Variants in CSMD2 observed in about 807,000 individuals in gnomAD.
CSMD2 encodes CUB and Sushi multiple domains 2.
In CSMD2, 130 loss-of-function variants were observed where a neutral mutation model predicts 398.5. The observed-to-expected ratio is 0.33, with a 90% CI of 0.28 to 0.38. The LOEUF is 0.38. Among genes scored for constraint, CSMD2 ranks in the 10% least tolerant of loss-of-function variants. The pLI, the probability that CSMD2 is intolerant of heterozygous loss-of-function variation, is 1.00. For synonymous variants in CSMD2, 1,828 were observed against 1,908.5 expected (o/e 0.96, Z 1.10); for missense variants, 3,829 against 4,764.9 (o/e 0.80, Z 5.78).
Position 34,163,747 on chromosome 1 carries a change from C to T in CSMD2, c.187+1164G>A, listed in dbSNP as rs1342685180. ...GGCCAGCAGGTGTTTCGGTTTCTCC[C>T]CCAGTGGGTGTCAGCCTCGCGGGCT... On this transcript the variant is annotated intron_variant, in intron 1 of 70. Transcript: ENST00000373381. The surrounding 1 kb of genome is among the most constrained non-coding windows in gnomAD (Gnocchi z 5.4). 6.6e-6 allele frequency among the ~76,000 whole-genome samples: 1 copy of T among 152,192 alleles called. No individual in the cohort carries two copies. Among genetic ancestry groups the T allele is most frequent in the African/African-American group, 2.4e-5 (1 of 41,462 alleles).
chr1:34,080,957 A>AGAAAGAAAGAAAGAAAGAAG (rs1558349608), intron 2 of CSMD2, among the ~76,000 whole-genome samples: 2 of 136,414 alleles, frequency 1.5e-5, no homozygotes, highest in East Asian at 3.9e-4. Context: ...AAAGAAAGAA[A>AGAAAGAAAGAAAGAAAGAAG]GAAAGAAAGA....
intron 6 of CSMD2, among the ~76,000 whole-genome samples, chr1:33,826,367 G>A (rs1658822154): frequency 6.6e-6 from 1 of 152,158 alleles, no homozygotes; most frequent in Admixed American, 6.5e-5. Context: ...AAATTTGGAG[G>A]CCTTGATGTG....
chr1:33,716,577 C>T (rs927467713), intron 19 of CSMD2, 76 bp from the exon 20 acceptor site: 6 of 1,023,806 alleles, frequency 5.9e-6, no homozygotes, highest in Admixed American at 2.1e-5. Context: ...AGGATCTACA[C>T]AAACATTTCC....
At chr1:33,649,233 C>T (rs1643626093) in intron 28 of CSMD2, among the ~76,000 whole-genome samples, 1 of 152,150 alleles carries the variant, frequency 6.6e-6, no homozygotes, top group South Asian at 2.1e-4. Context: ...AAATTTGCTC[C>T]TGCCCAGCCA....
chr1:34,133,055 G>A (rs755712208), intron 1 of CSMD2, among the ~76,000 whole-genome samples: 2 of 151,946 alleles, frequency 1.3e-5, no homozygotes, highest in Admixed American at 6.6e-5. Context: ...CATTGGTTGG[G>A]CACCTCAGTG....
At chr1:34,092,434 T>C (rs1189061964) in intron 1 of CSMD2, among the ~76,000 whole-genome samples, 2 of 152,152 alleles carry the variant, frequency 1.3e-5, no homozygotes, top group East Asian at 1.9e-4. Flanking sequence ...ACAGCTCCCG[T>C]CCACAGCTCC....
intron 4 of CSMD2, among the ~76,000 whole-genome samples, chr1:33,928,806 C>T (rs1366382867): frequency 5.3e-5 from 8 of 152,350 alleles, no homozygotes; most frequent in South Asian, 2.1e-4. Flanking sequence ...GTGCACACTG[C>T]ACCCGGCATA....
At chr1:34,014,365 G>T (rs762827515) in intron 3 of CSMD2, among the ~76,000 whole-genome samples, 35 of 152,248 alleles carry the variant, frequency 2.3e-4, no homozygotes, top group Admixed American at 3.3e-4. Flanking sequence ...ATAATGTAAA[G>T]GCTGTGTGTG....
At position 33,905,652 on chromosome 1, in the gene CSMD2, T is replaced by C. The variant is rs1010688444; in HGVS notation, c.920+12442A>G. On this transcript the variant is annotated intron_variant, in intron 5 of 70. Transcript: ENST00000373381. ...GTGCTGTTTTTATTTTGATTTTAGG[T>C]GGCAGATATTGGAACATGCCTTTAT... Among the ~76,000 whole-genome samples, 4 of 152,016 alleles carry C rather than the reference T, an allele frequency of 2.6e-5. No homozygotes were observed. In the East Asian group the frequency reaches 7.7e-4, roughly 29 times the overall value.
chr1:33,545,840 AGT>A (rs1308531586), intron 57 of CSMD2, among the ~76,000 whole-genome samples, 195 bp downstream of exon 57: 1 of 152,178 alleles, frequency 6.6e-6, no homozygotes, highest in African/African-American at 2.4e-5. Flanking sequence ...TTGAGGTGAG[AGT>A]GGGAATATGT....
intron 25 of CSMD2, among the ~76,000 whole-genome samples, chr1:33,689,516 C>T (rs932438510): frequency 3.9e-5 from 6 of 152,126 alleles, no homozygotes; most frequent in East Asian, 1.9e-4. Context: ...GCTAGAAAGG[C>T]GCCTCCTGTC....
chr1:33,609,798 T>C (rs1479843648), intron 41 of CSMD2, among the ~76,000 whole-genome samples: 1 of 152,122 alleles, frequency 6.6e-6, no homozygotes, highest in Non-Finnish European at 1.5e-5. Flanking sequence ...TGTGTATCTC[T>C]GCATAGGGTA....
rs774760369 is a variant in CSMD2, at chr1:33,810,836, G to T, written c.1353C>A (p.Gly451=). The part of the protein sequence containing the change: ...RARMCDAHLR[G]PSGIITSPNF... The stretch of plus-strand genomic sequence containing the variant: ...TGGGGGAGGTGATGATGCCCGAGGG[G>T]CCTCGAAGGTGGGCATCACACATGC... The change falls in exon 10 of 71, where the codon GGC becomes GGA. Residue 451 remains glycine (G), a synonymous_variant. Coordinates refer to ENST00000373381, the MANE Select transcript of CSMD2 (RefSeq NM_001281956.2). 8.1e-6 allele frequency: 13 copies of T among 1,612,474 alleles called. No individual in the cohort carries two copies. The African/African-American group carries it at 1.5e-4, about 18-fold the overall frequency.
intron 1 of CSMD2, among the ~76,000 whole-genome samples, chr1:34,158,472 C>T (rs75163396): frequency 1.2e-3 from 184 of 152,284 alleles, no homozygotes; most frequent in African/African-American, 4.2e-3. Context: ...CCTCCCTACC[C>T]TCCTGGATGA....
Position 33,559,155 on chromosome 1 carries a change from C to A in CSMD2, c.8554+145G>T. The A allele has an allele frequency of 1.4e-6, 1 of 694,414 alleles. No individual in the cohort carries two copies. Among genetic ancestry groups the A allele is most frequent in the Non-Finnish European group, 2.2e-6 (1 of 445,012 alleles). The allele number at this position is 694,414 out of a possible 1,614,324, so 43.0% of individuals were successfully genotyped here. ...TCTTTATCTAAGGGTTGAGAAAGTCCTCATTTATGACCCTTCTCTGCTCCA... is the reference window on the plus strand; with the variant it reads ...TCTTTATCTAAGGGTTGAGAAAGTCATCATTTATGACCCTTCTCTGCTCCA... On this transcript the variant is annotated intron_variant, in intron 54 of 70. Coordinates refer to ENST00000373381, the MANE Select transcript of CSMD2 (RefSeq NM_001281956.2). This position sits in a 1 kb window ranked among gnomAD's most constrained non-coding sequence, Gnocchi z 4.0.
At chr1:33,778,826 G>A (rs919227165) in intron 12 of CSMD2, among the ~76,000 whole-genome samples, 1 of 152,122 alleles carries the variant, frequency 6.6e-6, no homozygotes, top group Non-Finnish European at 1.5e-5. Flanking sequence ...GCCTCTGGCT[G>A]GGAGCGCTGG....
intron 6 of CSMD2, among the ~76,000 whole-genome samples, chr1:33,826,863 GGC>G (rs1368150722): frequency 6.6e-6 from 1 of 152,278 alleles, no homozygotes; most frequent in East Asian, 1.9e-4. Context: ...TCTTCCAGCT[GGC>G]CCCGCCTGCT....
chr1:33,833,322 C>A (rs1282695500), intron 6 of CSMD2, among the ~76,000 whole-genome samples: 1 of 129,582 alleles, frequency 7.7e-6, no homozygotes, highest in Non-Finnish European at 1.6e-5. Context: ...TGAGCTTCAT[C>A]CCTGGGATGC....
chr1:33,663,103 A>G lies in CSMD2; in HGVS notation c.4053-11T>C. ...ACCAGGAAGTGTAGCCTGCACGGAG[A>G]GAAGAGGCAGTGGTCATCTGGACTC... On this transcript the variant is annotated splice_polypyrimidine_tract_variant and intron_variant, in intron 25 of 70. Transcript: ENST00000373381. 1 of 1,612,102 alleles carries G rather than the reference A, an allele frequency of 6.2e-7. No homozygotes were observed. The highest frequency in any genetic ancestry group is 8.5e-7 in the Non-Finnish European group (1 of 1,178,310).
Sources: gnomAD v4.1 joint callset for allele counts (sites outside exome capture counted in the v4.1 genomes callset) on GRCh38, gnomAD v4.1.1 for gene constraint, Gnocchi (gnomAD v3.1) non-coding constraint, MANE v1.5 for transcripts, NCBI Gene and HGNC (gene_info 2026-07-23, HGNC 2026-07-21) for gene names.